LMX1A: variants seen among roughly 807,000 people sequenced by gnomAD.
The protein encoded by LMX1A is LIM homeobox transcription factor 1 alpha.
In LMX1A, 15 loss-of-function variants were observed where a neutral mutation model predicts 49.1. The ratio of observed to expected loss-of-function variants is 0.31; its 90% CI spans 0.20 to 0.47. The LOEUF (loss-of-function observed/expected upper bound fraction) is 0.47, where lower values mean the gene tolerates loss of function less well. LMX1A is among the 20% of genes least tolerant of loss of function. The probability of loss-of-function intolerance (pLI) is 1.00; values close to 1 mark genes in which losing one functional copy is unlikely to be tolerated. For synonymous variants in LMX1A, 167 were observed against 185.7 expected (o/e 0.90, Z 0.82); for missense variants, 372 against 475.8 (o/e 0.78, Z 2.03).
intron 3 of LMX1A, among the ~76,000 whole-genome samples, chr1:165,338,203 C>T (rs572320330): frequency 2.7e-4 from 41 of 152,266 alleles, no homozygotes; most frequent in Non-Finnish European, 5.3e-4. Context: ...TCCCTGGATT[C>T]CACAGCATGT....
chr1:165,338,813 GT>G (rs950916416), intron 3 of LMX1A, among the ~76,000 whole-genome samples: 8 of 152,212 alleles, frequency 5.3e-5, no homozygotes, highest in Non-Finnish European at 1.2e-4. Flanking sequence ...GTAGCACCAA[GT>G]TCAGTTTAAT....
intron 4 of LMX1A, among the ~76,000 whole-genome samples, chr1:165,233,784 G>A (rs898679935): frequency 6.6e-6 from 1 of 152,184 alleles, no homozygotes; most frequent in Non-Finnish European, 1.5e-5. Context: ...ATGGGCAGGT[G>A]CTTTGCCTGT....
chr1:165,247,296 T>A (rs1652896657), intron 4 of LMX1A, among the ~76,000 whole-genome samples: 1 of 152,080 alleles, frequency 6.6e-6, no homozygotes, highest in Non-Finnish European at 1.5e-5. Context: ...ATGATGATGC[T>A]GTATTCTAAT....
intron 3 of LMX1A, among the ~76,000 whole-genome samples, chr1:165,321,880 G>C (rs973612426): frequency 6.6e-6 from 1 of 151,998 alleles, no homozygotes; most frequent in African/African-American, 2.4e-5. Context: ...CTAGTATCTA[G>C]GATATATAAA....
chr1:165,286,660 A>T (rs889749531), intron 3 of LMX1A, among the ~76,000 whole-genome samples: 5 of 152,146 alleles, frequency 3.3e-5, no homozygotes, highest in Admixed American at 3.3e-4. Context: ...CCTCACAAGA[A>T]TCCTGCAGGG....
intron 3 of LMX1A, among the ~76,000 whole-genome samples, chr1:165,319,763 G>A (rs975027779): frequency 2.0e-4 from 31 of 152,058 alleles, no homozygotes; most frequent in Non-Finnish European, 3.5e-4. Context: ...TGGGGGAGGG[G>A]AAAATACTAG....
chr1:165,346,434 A>G (rs563230571), intron 3 of LMX1A, among the ~76,000 whole-genome samples: 22 of 152,374 alleles, frequency 1.4e-4, no homozygotes, highest in Non-Finnish European at 3.1e-4. Flanking sequence ...TTATGGTGCA[A>G]TAATGGGGAA....
intron 4 of LMX1A, chr1:165,216,208 G>A (rs1651636714): frequency 6.6e-6 from 1 of 152,144 alleles, no homozygotes; most frequent in Non-Finnish European, 1.5e-5. Flanking sequence ...GGTTTTCAGA[G>A]TGGCAAGGAA....
At chr1:165,218,243 G>A (rs147047048) in intron 4 of LMX1A, among the ~76,000 whole-genome samples, 51 of 152,336 alleles carry the variant, frequency 3.3e-4, no homozygotes, top group African/African-American at 9.9e-4. Context: ...AAACACTGCT[G>A]ATGGTTAGCA....
At chr1:165,227,727 GA>G (rs1652086390) in intron 4 of LMX1A, among the ~76,000 whole-genome samples, 2 of 152,132 alleles carry the variant, frequency 1.3e-5, no homozygotes, top group South Asian at 2.1e-4. Context: ...ATCCATTCAA[GA>G]AATTCAAATT....
chr1:165,333,532 C>T (rs7548596), intron 3 of LMX1A, among the ~76,000 whole-genome samples: 4,172 of 152,206 alleles, frequency 0.027, 199 homozygotes, highest in African/African-American at 0.095. Flanking sequence ...GGTGATACTC[C>T]AAGTTTTGAA....
At chr1:165,210,993 A>C in intron 5 of LMX1A, 2 of 372,914 alleles carry the variant, frequency 5.4e-6, no homozygotes, top group Non-Finnish European at 9.9e-6. Context: ...AATAATTATT[A>C]ATTTACATGT....
chr1:165,261,335 A>G lies in LMX1A; in HGVS notation c.264-11695T>C, dbSNP rs1181879257. Reference sequence around the variant, plus strand: ...ATTTCAACTCTCCTTCCATCCACTAAAAACTGGAAGTCACCATACCCCTTA... The same window carrying G: ...ATTTCAACTCTCCTTCCATCCACTAGAAACTGGAAGTCACCATACCCCTTA... On this transcript the variant is annotated intron_variant, in intron 3 of 8. Transcript: ENST00000342310. 2.0e-5 allele frequency among the ~76,000 whole-genome samples: 3 copies of G among 152,158 alleles called. No individual in the cohort carries two copies. The East Asian group carries it at 5.8e-4, about 29-fold the overall frequency.
At chr1:165,345,409 T>C (rs1362238149) in intron 3 of LMX1A, among the ~76,000 whole-genome samples, 5 of 152,118 alleles carry the variant, frequency 3.3e-5, no homozygotes, top group Non-Finnish European at 5.9e-5. Flanking sequence ...AGCCAAGAGT[T>C]GAAAATGAGT....
chr1:165,214,013 A>T (rs1488969742), intron 4 of LMX1A, among the ~76,000 whole-genome samples, 200 bp from the exon 5 acceptor site: 1 of 152,218 alleles, frequency 6.6e-6, no homozygotes, highest in African/African-American at 2.4e-5. Flanking sequence ...AGGCAGCAGA[A>T]AGTCCACCAT....
chr1:165,304,574 C>T (rs1654870852), intron 3 of LMX1A, among the ~76,000 whole-genome samples: 1 of 152,156 alleles, frequency 6.6e-6, no homozygotes, highest in African/African-American at 2.4e-5. Flanking sequence ...GAATTAACTG[C>T]ACATGGTTAA....
chr1:165,329,621 C>T (rs1479551549), intron 3 of LMX1A, among the ~76,000 whole-genome samples: 1 of 150,516 alleles, frequency 6.6e-6, no homozygotes, highest in East Asian at 2.0e-4. Context: ...ACCCCCCCAC[C>T]CCCGCCACTG....
intron 4 of LMX1A, among the ~76,000 whole-genome samples, chr1:165,244,419 CG>C (rs2102632367): frequency 6.6e-6 from 1 of 152,052 alleles, no homozygotes; most frequent in African/African-American, 2.4e-5. Context: ...GCCTCTTAAG[CG>C]GGGTGGGGTC....
At chr1:165,304,603 A>G (rs180790193) in intron 3 of LMX1A, among the ~76,000 whole-genome samples, 1 of 152,240 alleles carries the variant, frequency 6.6e-6, no homozygotes, top group East Asian at 1.9e-4. Flanking sequence ...TATAAACACA[A>G]TGCAAATCTT....
Sources: allele counts gnomAD v4.1 joint callset (sites outside exome capture counted in the v4.1 genomes callset), GRCh38; gene constraint gnomAD v4.1.1; transcripts MANE v1.5; gene names NCBI Gene and HGNC (gene_info 2026-07-23, HGNC 2026-07-21).